Variants in SSBP2 observed in about 807,000 individuals in gnomAD.
The protein encoded by SSBP2 is single stranded DNA binding protein 2, also known as single-stranded DNA-binding protein 2.
In SSBP2, 17 loss-of-function variants were observed where a neutral mutation model predicts 61.8. That is an observed-to-expected ratio of 0.28 (90% CI 0.19 to 0.41). The LOEUF is 0.41. Ranked by LOEUF, SSBP2 falls within the 10% of genes least tolerant of loss-of-function variation. SSBP2 has a pLI of 1.00. For missense variants in SSBP2, 310 were observed against 458.7 expected, an observed-to-expected ratio of 0.68 and a Z score of 2.96; for synonymous variants, 139 against 141.3, an observed-to-expected ratio of 0.98 and a Z score of 0.12.
chr5:81,560,321 A>G (rs1772945846), intron 4 of SSBP2, among the ~76,000 whole-genome samples: 1 of 152,166 alleles, frequency 6.6e-6, no homozygotes. Flanking sequence ...ATTTCACTGC[A>G]TTGCTCTCTA....
At chr5:81,715,243 G>A (rs1451535693) in intron 1 of SSBP2, among the ~76,000 whole-genome samples, 1 of 152,032 alleles carries the variant, frequency 6.6e-6, no homozygotes, top group Admixed American at 6.6e-5. Context: ...TAGGTCAAAA[G>A]AAGCCACCAA....
At position 81,419,427 on chromosome 5, in the gene SSBP2, C is replaced by A. The variant is rs1213918272; in HGVS notation, c.*1077G>T. ...TCTTCTCCCTTGTGCTCAAAGTCTCCTTCTATGTATTTATTTCTAGTGTCT... is the reference window on the plus strand; with the variant it reads ...TCTTCTCCCTTGTGCTCAAAGTCTCATTCTATGTATTTATTTCTAGTGTCT... On this transcript the variant is annotated 3_prime_UTR_variant, in exon 17 of 17. Transcript: ENST00000320672. The A allele has an allele frequency of 6.6e-6, 1 of 152,166 alleles. No individual in the cohort carries two copies. The highest frequency in any genetic ancestry group is 1.9e-4 in the East Asian group (1 of 5,192). The allele number at this position is 152,166 out of a possible 1,614,324, so 9.4% of individuals were successfully genotyped here. A position where few individuals can be genotyped will look rare whatever the true frequency, so the allele number is the denominator to read the frequency against.
At chr5:81,438,919 C>T (rs1762839336) in intron 14 of SSBP2, among the ~76,000 whole-genome samples, 2 of 152,148 alleles carry the variant, frequency 1.3e-5, no homozygotes, top group South Asian at 4.1e-4. Flanking sequence ...GTGTACCTGA[C>T]ATGTGGCAGT....
chr5:81,551,683 T>A (rs1457323505), intron 4 of SSBP2, among the ~76,000 whole-genome samples: 1 of 151,402 alleles, frequency 6.6e-6, no homozygotes, highest in Non-Finnish European at 1.5e-5. Flanking sequence ...CTTATTTAAA[T>A]TTTTTGTTGG....
Position 81,650,119 on chromosome 5 carries a change from A to G in SSBP2, c.135+148T>C, listed in dbSNP as rs571617508. 40 of 503,184 alleles carry G rather than the reference A, an allele frequency of 7.9e-5. 1 individual carries two copies. The East Asian group carries it at 1.4e-3, about 18-fold the overall frequency. The allele number at this position is 503,184 out of a possible 1,614,324, so 31.2% of individuals were successfully genotyped here. ...GGCATGGGGATAAAAATGCTTATAC[A>G]TAATCTATAAAAACTATACTATGTA... On this transcript the variant is annotated intron_variant, in intron 2 of 16. Transcript: ENST00000320672.
At chr5:81,536,682 C>G in intron 4 of SSBP2, among the ~76,000 whole-genome samples, 1 of 152,030 alleles carries the variant, frequency 6.6e-6, no homozygotes, top group Non-Finnish European at 1.5e-5. Context: ...TTCACCTATG[C>G]GCTTAACTCT....
At chr5:81,624,790 T>C (rs996957292) in intron 3 of SSBP2, among the ~76,000 whole-genome samples, 3 of 152,240 alleles carry the variant, frequency 2.0e-5, no homozygotes, top group Admixed American at 6.5e-5. Context: ...ATTTAGAAAA[T>C]AATGAGGCTA....
At chr5:81,513,539 A>G (rs906772262) in intron 5 of SSBP2, 89 bp downstream of exon 5, 1 of 799,946 alleles carries the variant, frequency 1.3e-6, no homozygotes, top group Non-Finnish European at 2.1e-6. Context: ...CTTAAAAATT[A>G]AAATAGCCTT....
intron 10 of SSBP2, among the ~76,000 whole-genome samples, chr5:81,458,708 T>G (rs547984363): frequency 6.6e-6 from 1 of 152,328 alleles, no homozygotes; most frequent in Admixed American, 6.5e-5. Context: ...CTAAGAAACT[T>G]GGAATTCAAC....
intron 12 of SSBP2, 117 bp downstream of exon 12, chr5:81,446,751 C>T (rs1763426600): frequency 1.1e-6 from 1 of 945,462 alleles, no homozygotes; most frequent in African/African-American, 1.7e-5. Flanking sequence ...GCTGCCTCTA[C>T]TCCTTTAACT....
At chr5:81,503,859 T>C (rs1767982151) in intron 5 of SSBP2, among the ~76,000 whole-genome samples, 1 of 152,182 alleles carries the variant, frequency 6.6e-6, no homozygotes, top group Non-Finnish European at 1.5e-5. Flanking sequence ...CTGGAGGCCA[T>C]TATCCTTAGC....
At chr5:81,489,078 A>C (rs1024868387) in intron 6 of SSBP2, among the ~76,000 whole-genome samples, 172 bp downstream of exon 6, 1 of 152,142 alleles carries the variant, frequency 6.6e-6, no homozygotes, top group Non-Finnish European at 1.5e-5. Flanking sequence ...CTTTATTTAT[A>C]AAAAATAGCT....
intron 1 of SSBP2, among the ~76,000 whole-genome samples, chr5:81,687,148 C>T (rs1473919688): frequency 6.6e-6 from 1 of 152,212 alleles, no homozygotes; most frequent in African/African-American, 2.4e-5. Context: ...ACCCGATCAC[C>T]CGGCAGCGGC....
chr5:81,736,129 T>C (rs1237078621), intron 1 of SSBP2, among the ~76,000 whole-genome samples: 1 of 143,316 alleles, frequency 7.0e-6, no homozygotes. Flanking sequence ...TCCAAAAACA[T>C]CCTACTACCC....
Position 81,615,470 on chromosome 5 carries a change from T to C in SSBP2, c.282+3A>G. 1 of 1,609,870 alleles carries C rather than the reference T, an allele frequency of 6.2e-7. No individual in the cohort carries two copies. Among genetic ancestry groups the C allele is most frequent in the South Asian group, 1.1e-5 (1 of 90,918 alleles). On this transcript the variant is annotated splice_donor_region_variant and intron_variant, in intron 4 of 16. Coordinates refer to ENST00000320672, the MANE Select transcript of SSBP2 (RefSeq NM_012446.5). ...AACTTTGTAAAATTATATGTTAACTTACGTAATCATGGAAGGCTTTTGCTT... is the reference window on the plus strand; with the variant it reads ...AACTTTGTAAAATTATATGTTAACTCACGTAATCATGGAAGGCTTTTGCTT...
At chr5:81,563,434 A>G (rs1773198105) in intron 4 of SSBP2, among the ~76,000 whole-genome samples, 1 of 152,184 alleles carries the variant, frequency 6.6e-6, no homozygotes, top group African/African-American at 2.4e-5. Context: ...AATATCTGTG[A>G]CTTGGTTTAG....
Position 81,474,483 on chromosome 5 carries a change from T to G in SSBP2, c.499+13A>C. ...TCTGCACATCAATTTTCCTTTTACT[T>G]TAGAGTAGTCACCTTGTTGTCGAGT... On this transcript the variant is annotated intron_variant, in intron 7 of 16. Coordinates refer to ENST00000320672, the MANE Select transcript of SSBP2 (RefSeq NM_012446.5). 6.2e-7 allele frequency: 1 copy of G among 1,611,106 alleles called. No homozygotes were observed.
chr5:81,678,267 C>T (rs111944839), intron 1 of SSBP2, among the ~76,000 whole-genome samples: 32 of 152,054 alleles, frequency 2.1e-4, no homozygotes, highest in African/African-American at 6.3e-4. Flanking sequence ...AAAAAAAATG[C>T]GGAATGTCTT....
intron 4 of SSBP2, among the ~76,000 whole-genome samples, chr5:81,530,654 A>C (rs1770319412): frequency 6.6e-6 from 1 of 152,104 alleles, no homozygotes; most frequent in Non-Finnish European, 1.5e-5. Context: ...GAGAAAACAC[A>C]AACTATTCAG....
Sources: allele counts gnomAD v4.1 joint callset (sites outside exome capture counted in the v4.1 genomes callset), GRCh38; gene constraint gnomAD v4.1.1; transcripts MANE v1.5; gene names NCBI Gene and HGNC (gene_info 2026-07-23, HGNC 2026-07-21).